The following NT5E variants were observed in gnomAD, a reference collection of about 807,000 sequenced individuals.
NT5E encodes 5'-nucleotidase.
Under a neutral mutation model 55.1 loss-of-function variants are expected in NT5E, and 53 were observed. That is an observed-to-expected ratio of 0.96 (90% CI 0.77 to 1.21). The LOEUF is 1.21. NT5E is among the 50% of genes most tolerant of loss of function. NT5E has a pLI of 0.00. For missense variants in NT5E, 683 were observed against 724.3 expected (o/e 0.94, Z 0.65); for synonymous variants, 270 against 278.4 (o/e 0.97, Z 0.30).
At chr6:85,474,235 T>A (rs111638030) in intron 3 of NT5E, among the ~76,000 whole-genome samples, 1 of 152,238 alleles carries the variant, frequency 6.6e-6, no homozygotes. Context: ...GTAAATGATA[T>A]GTAAATAGTT....
Position 85,474,067 on chromosome 6 carries a change from G to A in NT5E, c.751+2642G>A, listed in dbSNP as rs150368856. 3.1e-3 allele frequency among the ~76,000 whole-genome samples: 477 copies of A among 152,252 alleles called. 1 individual carries two copies. The highest frequency in any genetic ancestry group is 0.011 in the African/African-American group (450 of 41,540). ...CCCATAACAGTACAGTCATGCCTTA[G>A]TATCTGTGGGGGATTGGTTCTAGAA... On this transcript the variant is annotated intron_variant, in intron 3 of 8. Transcript: ENST00000257770.
intron 3 of NT5E, among the ~76,000 whole-genome samples, chr6:85,484,445 T>G (rs887147114): frequency 6.6e-6 from 1 of 152,146 alleles, no homozygotes; most frequent in African/African-American, 2.4e-5. Context: ...GTGGTGGGCC[T>G]CCTAGCCTCT....
intron 1 of NT5E, among the ~76,000 whole-genome samples, chr6:85,466,384 G>A (rs1245031205): frequency 6.6e-6 from 1 of 152,182 alleles, no homozygotes; most frequent in Non-Finnish European, 1.5e-5. Flanking sequence ...TCACCATGGA[G>A]TTCTTCCCCA....
At chr6:85,478,115 G>A (rs1004093013) in intron 3 of NT5E, among the ~76,000 whole-genome samples, 3 of 152,026 alleles carry the variant, frequency 2.0e-5, no homozygotes, top group African/African-American at 7.2e-5. Flanking sequence ...TCACCCACTT[G>A]GGTCCTTTCA....
At chr6:85,459,354 T>C (rs888353184) in intron 1 of NT5E, among the ~76,000 whole-genome samples, 1 of 152,214 alleles carries the variant, frequency 6.6e-6, no homozygotes, top group African/African-American at 2.4e-5. Flanking sequence ...GCTAAATAAA[T>C]GTGCTGCAAA....
rs1428842868 is a variant in NT5E, at chr6:85,485,226, TTA to T, written c.752-7_752-6del. On this transcript the variant is annotated splice_polypyrimidine_tract_variant and splice_region_variant and intron_variant, in intron 3 of 8. Coordinates refer to ENST00000257770, the MANE Select transcript of NT5E (RefSeq NM_002526.4). ...GCTGACTTGATCAGCTGTGGCTCTT[TTA>T]TTTCAGGCAATCCACCTTCCAAAGA... 6.2e-7 allele frequency: 1 copy of T among 1,614,068 alleles called. No individual in the cohort carries two copies. The highest frequency in any genetic ancestry group is 8.5e-7 in the Non-Finnish European group (1 of 1,179,992).
chr6:85,465,499 GACC>G (rs1231757236), intron 1 of NT5E, among the ~76,000 whole-genome samples: 2 of 152,170 alleles, frequency 1.3e-5, no homozygotes, highest in African/African-American at 4.8e-5. Flanking sequence ...CAACCTGTAA[GACC>G]AGATCAGCTT....
chr6:85,468,307 C>T (rs555295740), intron 2 of NT5E, among the ~76,000 whole-genome samples: 13 of 152,216 alleles, frequency 8.5e-5, no homozygotes, highest in South Asian at 4.1e-4. Context: ...CAGGGTGGAG[C>T]GGCTGGGGCT....
intron 5 of NT5E, among the ~76,000 whole-genome samples, chr6:85,487,767 T>C (rs1769699562): frequency 6.6e-6 from 1 of 152,086 alleles, no homozygotes; most frequent in South Asian, 2.1e-4. Flanking sequence ...TAAATAAATA[T>C]GAAAAATAAA....
chr6:85,490,977 AT>A (rs372482896), intron 7 of NT5E: 1,156 of 459,042 alleles, frequency 2.5e-3, no homozygotes, highest in East Asian at 3.8e-3. Flanking sequence ...GCATTCAATT[AT>A]TTTTTTTTTA....
intron 8 of NT5E, among the ~76,000 whole-genome samples, chr6:85,493,531 G>T (rs1050777076): frequency 5.9e-5 from 9 of 152,162 alleles, no homozygotes; most frequent in Admixed American, 3.3e-4. Flanking sequence ...TCTTGACCCA[G>T]TTCCCTAATG....
intron 1 of NT5E, among the ~76,000 whole-genome samples, chr6:85,464,467 G>A (rs1039942662): frequency 4.6e-5 from 7 of 152,076 alleles, no homozygotes; most frequent in South Asian, 2.1e-4. Flanking sequence ...AGGAGCGGAC[G>A]GAGCCTGGGA....
intron 7 of NT5E, 119 bp downstream of exon 7, chr6:85,490,776 C>G (rs1769766431): frequency 9.2e-7 from 1 of 1,086,200 alleles, no homozygotes; most frequent in Non-Finnish European, 1.4e-6. Flanking sequence ...TTTTTCCCGA[C>G]CCAACACCAA....
rs1582388351 is a variant in NT5E, at chr6:85,490,503, C to G, written c.1211-5C>G. 3 of 1,614,170 alleles carry G rather than the reference C, an allele frequency of 1.9e-6. No homozygotes were observed. The East Asian group carries it at 6.7e-5, about 36-fold the overall frequency. ...CCTTCTTGCCTCATCTGTGACTACC[C>G]TCAGGCACAATTACCTGGGAGAACC... On this transcript the variant is annotated splice_polypyrimidine_tract_variant and splice_region_variant and intron_variant, in intron 6 of 8. Coordinates refer to ENST00000257770, the MANE Select transcript of NT5E (RefSeq NM_002526.4).
At chr6:85,459,421 T>A (rs1210785023) in intron 1 of NT5E, among the ~76,000 whole-genome samples, 1 of 152,240 alleles carries the variant, frequency 6.6e-6, no homozygotes, top group Non-Finnish European at 1.5e-5. Context: ...AACAAAAAAA[T>A]TCTTTTCTTC....
At chr6:85,473,013 C>T (rs777921696) in intron 3 of NT5E, among the ~76,000 whole-genome samples, 2 of 152,084 alleles carry the variant, frequency 1.3e-5, no homozygotes, top group African/African-American at 2.4e-5. Context: ...ATGTCAAGAA[C>T]AGCCCCAGGC....
In NT5E at chr6:85,450,315, G is replaced by A. The variant is rs755333353; in HGVS notation, c.176G>A (p.Gly59Asp). 4 of 1,603,762 alleles carry A rather than the reference G, an allele frequency of 2.5e-6. No homozygotes were observed. The South Asian group carries it at 4.5e-5, about 18-fold the overall frequency. Residue 59 changes from glycine to aspartate, a missense_variant, in exon 1 of 9, where the codon GGT becomes GAT. Gly to Asp is a moderately conservative substitution (Grantham distance 94). Coordinates refer to ENST00000257770, the MANE Select transcript of NT5E (RefSeq NM_002526.4). This position sits in a 1 kb window ranked among gnomAD's most constrained non-coding sequence, Gnocchi z 4.0. ...TGCGTCAACGCCAGCCGCTGCATGGGTGGCGTGGCTCGGCTCTTCACCAAG... is the reference window on the plus strand; with the variant it reads ...TGCGTCAACGCCAGCCGCTGCATGGATGGCGTGGCTCGGCTCTTCACCAAG... Reference protein sequence around the residue: ...SKCVNASRCMGGVARLFTKVQ... With the variant: ...SKCVNASRCMDGVARLFTKVQ...
chr6:85,469,688 A>G (rs4373337), intron 2 of NT5E, among the ~76,000 whole-genome samples: 95,024 of 152,062 alleles, frequency 0.62, 30,004 homozygotes, highest in Middle Eastern at 0.71. Context: ...ATGTTCTCAT[A>G]ATAGACAACA....
chr6:85,490,733 TCAC>T, intron 7 of NT5E, 76 bp downstream of exon 7: 2 of 1,540,522 alleles, frequency 1.3e-6, no homozygotes, highest in Non-Finnish European at 1.8e-6. Flanking sequence ...AGCTTCCCCT[TCAC>T]CAAAATTCCT....
Sources: allele counts gnomAD v4.1 joint callset (sites outside exome capture counted in the v4.1 genomes callset), GRCh38; gene constraint gnomAD v4.1.1; non-coding constraint Gnocchi (gnomAD v3.1); transcripts MANE v1.5; gene names NCBI Gene and HGNC (gene_info 2026-07-23, HGNC 2026-07-21).